Variants in MRTFB observed in about 807,000 individuals in gnomAD.
MRTFB encodes the protein myocardin related transcription factor B.
A neutral mutation model predicts 104.2 loss-of-function variants in MRTFB; 29 were observed. The observed-to-expected ratio is 0.28, with a 90% CI of 0.21 to 0.38. The LOEUF is 0.38. Ranked by LOEUF, MRTFB falls within the 10% of genes least tolerant of loss-of-function variation. The pLI is 1.00. For synonymous variants in MRTFB, 535 were observed against 519.5 expected (o/e 1.03, Z -0.41); for missense variants, 1,270 against 1,341.6 (o/e 0.95, Z 0.83).
chr16:14,006,203 C>T, the MRTFB span, among the ~76,000 whole-genome samples: 49 of 151,908 alleles, frequency 3.2e-4, no homozygotes, highest in Non-Finnish European at 5.3e-4. Context: ...ATTAGCTGGG[C>T]GTGGTGGCGC....
the MRTFB span, among the ~76,000 whole-genome samples, chr16:14,033,378 T>A: frequency 2.9e-5 from 1 of 34,262 alleles, no homozygotes; most frequent in Admixed American, 2.7e-4. Flanking sequence ...AGACCTCATC[T>A]CTACAAAAAA....
At chr16:14,195,439 GGTATATGTACAAATGTGTATAT>G in intron 3 of MRTFB, 1 of 687,086 alleles carries the variant, frequency 1.5e-6, no homozygotes, top group Non-Finnish European at 1.8e-6. Flanking sequence ...TATATACATA[GGTATATGTACAAATGTGTATAT>G]GTAAATATAT....
chr16:14,247,541 C>G, intron 12 of MRTFB, 34 bp downstream of exon 12: 1 of 1,513,222 alleles, frequency 6.6e-7, no homozygotes, highest in Non-Finnish European at 8.8e-7. Flanking sequence ...CTTTGCCTTA[C>G]AGCATGCATG....
the MRTFB span, among the ~76,000 whole-genome samples, chr16:14,002,673 TC>T: frequency 6.6e-6 from 1 of 151,732 alleles, no homozygotes; most frequent in Non-Finnish European, 1.5e-5. Context: ...TTCCTCTCTC[TC>T]CCCTCCTCCC....
At chr16:14,077,506 C>T (rs1363313341) in intron 1 of MRTFB, among the ~76,000 whole-genome samples, 1 of 128,564 alleles carries the variant, frequency 7.8e-6, no homozygotes, top group Non-Finnish European at 1.6e-5. Context: ...AACTAGTTTC[C>T]CCTTGTTGCT....
At chr16:14,089,913 C>T (rs1934151324) in intron 2 of MRTFB, among the ~76,000 whole-genome samples, 1 of 152,116 alleles carries the variant, frequency 6.6e-6, no homozygotes, top group African/African-American at 2.4e-5. Flanking sequence ...TCATGTGCTT[C>T]TTGGCCACTT....
At chr16:14,063,285 T>A in the MRTFB span, among the ~76,000 whole-genome samples, 1 of 152,208 alleles carries the variant, frequency 6.6e-6, no homozygotes, top group African/African-American at 2.4e-5. Flanking sequence ...GGGGTGCACA[T>A]GTGTCTCAAG....
At chr16:14,190,087 AT>A (rs1283203502) in intron 3 of MRTFB, among the ~76,000 whole-genome samples, 1 of 152,222 alleles carries the variant, frequency 6.6e-6, no homozygotes, top group Non-Finnish European at 1.5e-5. Flanking sequence ...AATAAAGCAT[AT>A]CATCTCACAG....
chr16:14,204,350 G>A (rs1043428507), intron 3 of MRTFB, among the ~76,000 whole-genome samples: 1 of 152,046 alleles, frequency 6.6e-6, no homozygotes, highest in South Asian at 2.1e-4. Flanking sequence ...AAGAAGCAGG[G>A]GAAAGGAACT....
intron 2 of MRTFB, among the ~76,000 whole-genome samples, chr16:14,129,092 TC>T (rs1367425467): frequency 2.0e-5 from 3 of 152,256 alleles, no homozygotes; most frequent in African/African-American, 7.2e-5. Context: ...TATCAGTAGT[TC>T]ATTCCTCTTA....
intron 10 of MRTFB, chr16:14,240,948 A>G (rs753637337): frequency 3.2e-5 from 19 of 595,770 alleles, no homozygotes; most frequent in Non-Finnish European, 5.6e-5. Context: ...TGCTGTGAGC[A>G]CTAGTACAGA....
At position 14,240,212 on chromosome 16, in the gene MRTFB, G is replaced by C. The variant is rs371933935; in HGVS notation, c.832-25G>C. ...TTTATGTGGTGACATCTCTTTAAAT[G>C]TTATTTTCTTTTTCTCAAAAATAGC... On this transcript the variant is annotated intron_variant, in intron 9 of 16. Transcript: ENST00000571589. 14 of 1,564,798 alleles carry C rather than the reference G, an allele frequency of 8.9e-6. No individual in the cohort carries two copies. The African/African-American group carries it at 1.5e-4, about 17-fold the overall frequency.
chr16:14,200,751 CCTGTCCAGTG>C, intron 3 of MRTFB: 1 of 1,486,220 alleles, frequency 6.7e-7, no homozygotes, highest in African/African-American at 1.4e-5. Flanking sequence ...GGACTTGTTG[CCTGTCCAGTG>C]CTGTGGGTGA....
At chr16:14,232,975 A>AGG (rs2042331615) in intron 8 of MRTFB, among the ~76,000 whole-genome samples, 1 of 152,248 alleles carries the variant, frequency 6.6e-6, no homozygotes, top group Non-Finnish European at 1.5e-5. Context: ...CCTTAAGATA[A>AGG]GGGTGGTGTA....
chr16:14,240,477 C>T lies in MRTFB; in HGVS notation c.1072C>T (p.Pro358Ser), dbSNP rs2042716467. 1.9e-6 allele frequency: 3 copies of T among 1,614,232 alleles called. No homozygotes were observed. The East Asian group carries it at 6.7e-5, about 36-fold the overall frequency. Residue 358 changes from proline to serine, a missense_variant, in exon 10 of 17, where the codon CCA becomes TCA. By Grantham distance (74) the Pro-to-Ser change is moderately conservative. This residue lies in a region of MRTFB where 1,144 missense variants were observed against 1,131.5 expected (regional missense o/e 1.01). Coordinates refer to ENST00000571589, the MANE Select transcript of MRTFB (RefSeq NM_001308142.2). ...HYNYQTILPA[P>S]FKPLNDKNSN... The stretch of plus-strand genomic sequence containing the variant: ...CAACTACCAGACCATCCTGCCTGCA[C>T]CATTCAAGTACGGCGGGGCCCATGC...
intron 2 of MRTFB, among the ~76,000 whole-genome samples, chr16:14,087,292 A>G (rs959481005): frequency 1.3e-5 from 2 of 152,172 alleles, no homozygotes; most frequent in African/African-American, 4.8e-5. Context: ...ATAGTCAGTG[A>G]AACTCTCTAG....
At chr16:14,129,814 C>T (rs7188680) in intron 2 of MRTFB, among the ~76,000 whole-genome samples, 2 of 151,982 alleles carry the variant, frequency 1.3e-5, no homozygotes, top group South Asian at 4.2e-4. Flanking sequence ...ATGCATATGT[C>T]TTCTTTAGTG....
chr16:14,078,750 A>C (rs61402929), intron 1 of MRTFB, among the ~76,000 whole-genome samples: 8,886 of 152,146 alleles, frequency 0.058, 507 homozygotes, highest in East Asian at 0.3. Context: ...AATTATTATC[A>C]TCATAAATAA....
At chr16:13,999,477 A>G in the MRTFB span, among the ~76,000 whole-genome samples, 1 of 151,488 alleles carries the variant, frequency 6.6e-6, no homozygotes. Context: ...AAACTCAAGA[A>G]GACATCGTCT....
Sources: allele counts gnomAD v4.1 joint callset (sites outside exome capture counted in the v4.1 genomes callset), GRCh38; gene constraint gnomAD v4.1.1; regional missense constraint gnomAD v4.1.1; transcripts MANE v1.5; gene names NCBI Gene and HGNC (gene_info 2026-07-23, HGNC 2026-07-21).